ZFHX3: variants seen among roughly 807,000 people sequenced by gnomAD.
ZFHX3 encodes zinc finger homeobox protein 3.
A neutral mutation model predicts 279.1 loss-of-function variants in ZFHX3; 42 were observed. That is an observed-to-expected ratio of 0.15 (90% CI 0.12 to 0.19). The LOEUF is 0.19. Among genes scored for constraint, ZFHX3 ranks in the 10% least tolerant of loss-of-function variants. The probability of loss-of-function intolerance (pLI) is 1.00; values close to 1 mark genes in which losing one functional copy is unlikely to be tolerated. For synonymous variants in ZFHX3, 2,293 were observed against 1,957.8 expected (o/e 1.17, Z -4.52); for missense variants, 4,981 against 4,754.0 (o/e 1.05, Z -1.40).
At chr16:73,227,241 A>C (rs1264140360) in intron 5 of ZFHX3, among the ~76,000 whole-genome samples, 11 of 152,218 alleles carry the variant, frequency 7.2e-5, no homozygotes, top group Admixed American at 7.2e-4. Context: ...TATTCTTTTT[A>C]ACCTGTGGTT....
chr16:73,530,459 ACTT>A (rs1281884752), intron 2 of ZFHX3, among the ~76,000 whole-genome samples: 2 of 152,106 alleles, frequency 1.3e-5, no homozygotes, highest in Admixed American at 6.5e-5. Flanking sequence ...CTGATAAACT[ACTT>A]CTCTCATTCC....
intron 1 of ZFHX3, among the ~76,000 whole-genome samples, chr16:73,801,604 T>C (rs985967726): frequency 1.3e-5 from 2 of 152,350 alleles, no homozygotes; most frequent in South Asian, 2.1e-4. Flanking sequence ...TTTCCCTGTG[T>C]TTCCATTTCT....
At chr16:72,892,908 T>C (rs2038808845) in intron 3 of ZFHX3, among the ~76,000 whole-genome samples, 1 of 152,194 alleles carries the variant, frequency 6.6e-6, no homozygotes, top group African/African-American at 2.4e-5. Flanking sequence ...GAGGCAGTGC[T>C]TTCTGGAGGT....
chr16:73,214,827 T>C (rs2012143120), intron 5 of ZFHX3, among the ~76,000 whole-genome samples: 1 of 149,746 alleles, frequency 6.7e-6, no homozygotes, highest in Non-Finnish European at 1.5e-5. Flanking sequence ...CATTACTCCA[T>C]TGAAATGCTG....
chr16:73,660,629 A>C (rs2052772164), intron 2 of ZFHX3, among the ~76,000 whole-genome samples: 1 of 152,160 alleles, frequency 6.6e-6, no homozygotes, highest in African/African-American at 2.4e-5. Flanking sequence ...CTCATAAGGG[A>C]TACTACATCC....
chr16:73,112,024 A>G (rs1201593172), intron 7 of ZFHX3, among the ~76,000 whole-genome samples: 1 of 151,714 alleles, frequency 6.6e-6, no homozygotes, highest in East Asian at 1.9e-4. Context: ...CAGTTGTAGA[A>G]TCTTACACTG....
intron 1 of ZFHX3, among the ~76,000 whole-genome samples, chr16:73,714,147 C>A (rs2053391825): frequency 6.6e-6 from 1 of 152,168 alleles, no homozygotes; most frequent in South Asian, 2.1e-4. Flanking sequence ...TGGGAGCATG[C>A]TGCTTGGGTG....
intron 5 of ZFHX3, among the ~76,000 whole-genome samples, chr16:73,241,360 C>T (rs1567427694): frequency 6.6e-6 from 1 of 152,120 alleles, no homozygotes; most frequent in South Asian, 2.1e-4. Context: ...AATTCTAAAA[C>T]GCAATGCTAC....
At chr16:73,453,375 A>C (rs936513472) in intron 3 of ZFHX3, among the ~76,000 whole-genome samples, 5 of 152,166 alleles carry the variant, frequency 3.3e-5, no homozygotes, top group Admixed American at 6.5e-5. Context: ...CCTGCTTTTA[A>C]GAGGACCAGC....
At chr16:73,577,896 A>G (rs148854029) in intron 2 of ZFHX3, among the ~76,000 whole-genome samples, 1 of 152,356 alleles carries the variant, frequency 6.6e-6, no homozygotes, top group Non-Finnish European at 1.5e-5. Context: ...CAGGTCAAAT[A>G]TCAAACCCAT....
intron 1 of ZFHX3, among the ~76,000 whole-genome samples, chr16:73,869,695 T>G (rs1462047550): frequency 6.6e-6 from 1 of 152,262 alleles, no homozygotes; most frequent in Non-Finnish European, 1.5e-5. Context: ...AGTTCTGGTA[T>G]GTGACCTACT....
At position 73,047,059 on chromosome 16, in the gene ZFHX3, TGTGTCC is replaced by T. The variant is rs561235014; in HGVS notation, c.-50+687_-50+692del. Among the ~76,000 whole-genome samples the T allele has an allele frequency of 2.0e-5, 3 of 152,294 alleles. No homozygotes were observed. The South Asian group carries it at 6.2e-4, about 32-fold the overall frequency. ...AGGCCTTTTCCTATCATAACACAGG[TGTGTCC>T]AAGGCAGAAAAGAACATTTTCCAGA... On this transcript the variant is annotated intron_variant, in intron 1 of 9. Transcript: ENST00000268489.
At chr16:73,066,784 G>A (rs1239442088) in intron 8 of ZFHX3, among the ~76,000 whole-genome samples, 1 of 152,190 alleles carries the variant, frequency 6.6e-6, no homozygotes, top group African/African-American at 2.4e-5. Context: ...CCCTAACTCC[G>A]CACCCGGGAC....
chr16:73,170,695 G>T (rs2144866281), intron 5 of ZFHX3, among the ~76,000 whole-genome samples: 1 of 152,332 alleles, frequency 6.6e-6, no homozygotes. Context: ...AATCATCAGA[G>T]AGTCTGGGAG....
At chr16:73,786,366 C>A (rs1229673814) in intron 1 of ZFHX3, among the ~76,000 whole-genome samples, 1 of 152,212 alleles carries the variant, frequency 6.6e-6, no homozygotes, top group Admixed American at 6.5e-5. Flanking sequence ...TCTGGATAAG[C>A]ATTTTCTATT....
At chr16:72,860,355 CT>C (rs1177863510) in intron 4 of ZFHX3, among the ~76,000 whole-genome samples, 2 of 152,314 alleles carry the variant, frequency 1.3e-5, no homozygotes, top group African/African-American at 4.8e-5. Flanking sequence ...AGCCTGCCCG[CT>C]TTCCCCCCTC....
At chr16:73,367,462 C>T (rs934768161) in intron 3 of ZFHX3, among the ~76,000 whole-genome samples, 1 of 152,210 alleles carries the variant, frequency 6.6e-6, no homozygotes, top group Admixed American at 6.5e-5. Context: ...TTGACTGGGT[C>T]ATGTGTTCAA....
chr16:73,641,266 A>C (rs937971037), intron 2 of ZFHX3, among the ~76,000 whole-genome samples: 1 of 152,176 alleles, frequency 6.6e-6, no homozygotes, highest in Non-Finnish European at 1.5e-5. Context: ...AATAAAAAAA[A>C]CTTCAGGAAA....
intron 1 of ZFHX3, among the ~76,000 whole-genome samples, chr16:73,852,959 A>G (rs1961626060): frequency 7.0e-6 from 1 of 143,408 alleles, no homozygotes; most frequent in African/African-American, 2.6e-5. Flanking sequence ...AAACAGCTCA[A>G]CAAGTAAAAC....
Sources: allele counts gnomAD v4.1 joint callset (sites outside exome capture counted in the v4.1 genomes callset), GRCh38; gene constraint gnomAD v4.1.1; transcripts MANE v1.5; gene names NCBI Gene and HGNC (gene_info 2026-07-23, HGNC 2026-07-21).